The following ZNF75D variants were observed in gnomAD, a reference collection of about 807,000 sequenced individuals.
The protein encoded by ZNF75D is zinc finger protein 75.
Under a neutral mutation model 33.3 loss-of-function variants are expected in ZNF75D, and 33 were observed. That is an observed-to-expected ratio of 0.99 (90% CI 0.75 to 1.32). The LOEUF (loss-of-function observed/expected upper bound fraction) is 1.32. Among genes scored for constraint, ZNF75D ranks in the 40% most tolerant of loss-of-function variants. The probability of loss-of-function intolerance (pLI) is 0.00; values close to 1 mark genes in which losing one functional copy is unlikely to be tolerated. For synonymous variants in ZNF75D, 113 were observed against 130.6 expected, an observed-to-expected ratio of 0.87 and a Z score of 0.92; for missense variants, 338 against 367.5, an observed-to-expected ratio of 0.92 and a Z score of 0.66.
At position 135,257,417 on chromosome X, in the gene ZNF75D, G is replaced by A. The variant is rs781889656; in HGVS notation, n.828-1640C>T. ...GGACCAGTGGTGATGGTGGCCACAGGGAGAGACTCCTATACTTTTGCAAAG... is the reference window on the plus strand; with the variant it reads ...GGACCAGTGGTGATGGTGGCCACAGAGAGAGACTCCTATACTTTTGCAAAG... On this transcript the variant is annotated intron_variant and non_coding_transcript_variant, in intron 1 of 3. Transcript: ENST00000494295. 1.8e-4 allele frequency among the ~76,000 whole-genome samples: 20 copies of A among 113,117 alleles called. 1 individual carries two copies. The East Asian group carries it at 2.8e-3, about 16-fold the overall frequency.
rs1270236721 is a variant in ZNF75D at position 135,292,031 on chromosome X, ATCT to A, written c.604+247_604+249del. 3.6e-5 allele frequency among the ~76,000 whole-genome samples: 4 copies of A among 111,664 alleles called. No individual in the cohort carries two copies. The Admixed American group carries it at 3.8e-4, about 11-fold the overall frequency. Reference sequence around the variant, plus strand: ...AGGTGGCCCCACCTGTCCCTGTTCCATCTTCTTCTCTCCTCTCAAGTTTCAAAG... The same window carrying A: ...AGGTGGCCCCACCTGTCCCTGTTCCATCTTCTCTCCTCTCAAGTTTCAAAG... On this transcript the variant is annotated intron_variant, in intron 4 of 6. Transcript: ENST00000370766.
chrX:135,297,598 A>T (rs1556423405), intron 1 of ZNF75D: 1 of 116,834 alleles, frequency 8.6e-6, no homozygotes. Flanking sequence ...TCAAGGTGTG[A>T]TCTTGAGCTG....
In ZNF75D at chrX:135,312,429, C is replaced by T. The variant is rs150656217; in HGVS notation, c.-390-16390G>A. ...CACCTAGATTGATTCCATATCTTTG[C>T]TATTGTAAATAGTGCTGTGATAAAC... On this transcript the variant is annotated intron_variant, in intron 1 of 6. Transcript: ENST00000370766. Among the ~76,000 whole-genome samples, 819 of 112,150 alleles carry T rather than the reference C, an allele frequency of 7.3e-3. 14 individuals carry two copies. The highest frequency in any genetic ancestry group is 0.026 in the African/African-American group (789 of 30,885).
At chrX:135,336,548 C>T (rs888839463) in intron 1 of ZNF75D, among the ~76,000 whole-genome samples, 1 of 112,067 alleles carries the variant, frequency 8.9e-6, no homozygotes, top group Non-Finnish European at 1.9e-5. Context: ...ACAGCCAATG[C>T]ACTGCACTGT....
chrX:135,325,780 C>T (rs1234888721), intron 1 of ZNF75D, among the ~76,000 whole-genome samples: 6 of 108,901 alleles, frequency 5.5e-5, no homozygotes, highest in Non-Finnish European at 7.6e-5. Flanking sequence ...CCCTGAGAGG[C>T]GCCACCCCCT....
At chrX:135,308,151 T>C (rs1241809579) in intron 1 of ZNF75D, among the ~76,000 whole-genome samples, 1 of 111,999 alleles carries the variant, frequency 8.9e-6, no homozygotes, top group African/African-American at 3.2e-5. Context: ...CAGGTGATGG[T>C]TGTCAGTATT....
At chrX:135,313,421 T>A (rs5930687) in intron 1 of ZNF75D, among the ~76,000 whole-genome samples, 28,081 of 111,207 alleles carry the variant, frequency 0.25, 2,831 homozygotes, top group South Asian at 0.43. Context: ...CAGTAGTGTG[T>A]TGCTTCCAGC....
intron 1 of ZNF75D, among the ~76,000 whole-genome samples, chrX:135,263,753 C>A (rs2083852339): frequency 8.9e-6 from 1 of 112,667 alleles, no homozygotes; most frequent in South Asian, 3.6e-4. Flanking sequence ...AAGGAAATCC[C>A]CTGACCCCTT....
chrX:135,325,848 C>T (rs939429397), intron 1 of ZNF75D, among the ~76,000 whole-genome samples: 20 of 112,840 alleles, frequency 1.8e-4, no homozygotes, highest in African/African-American at 6.1e-4. Context: ...GAGCGCATCG[C>T]GTGGGACTGG....
chrX:135,274,415 T>G (rs1429828863), intron 1 of ZNF75D, among the ~76,000 whole-genome samples: 1 of 112,041 alleles, frequency 8.9e-6, no homozygotes, highest in Non-Finnish European at 1.9e-5. Context: ...GGGTTTGGCA[T>G]AGAAGGTAAT....
chrX:135,272,464 C>T (rs1002967336), intron 1 of ZNF75D, among the ~76,000 whole-genome samples: 39 of 109,046 alleles, frequency 3.6e-4, no homozygotes, highest in African/African-American at 1.2e-3. Flanking sequence ...CACTGTGTGT[C>T]GAAGTCATTT....
intron 1 of ZNF75D, among the ~76,000 whole-genome samples, chrX:135,302,139 T>C (rs1556424894): frequency 8.9e-6 from 1 of 112,277 alleles, no homozygotes; most frequent in African/African-American, 3.2e-5. Flanking sequence ...GAAGCGGGGA[T>C]ATGTGCATGT....
At chrX:135,270,272 A>T (rs1556416780) in intron 1 of ZNF75D, among the ~76,000 whole-genome samples, 2 of 104,362 alleles carry the variant, frequency 1.9e-5, no homozygotes, top group Non-Finnish European at 3.9e-5. Flanking sequence ...TATAACACAA[A>T]GAATAAATTC....
chrX:135,275,614 G>A (rs1217035258), intron 1 of ZNF75D, among the ~76,000 whole-genome samples: 3 of 110,009 alleles, frequency 2.7e-5, no homozygotes, highest in African/African-American at 6.6e-5. Context: ...TTCCTCTGGC[G>A]TTGCTTGTGT....
chrX:135,262,584 T>C (rs1169857420), intron 1 of ZNF75D, among the ~76,000 whole-genome samples: 1 of 112,447 alleles, frequency 8.9e-6, no homozygotes, highest in Non-Finnish European at 1.9e-5. Context: ...CTTGATCGAA[T>C]TGGTATTGAA....
At chrX:135,337,459 T>C (rs960538464) in intron 1 of ZNF75D, among the ~76,000 whole-genome samples, 3 of 112,212 alleles carry the variant, frequency 2.7e-5, no homozygotes, top group Admixed American at 1.9e-4. Flanking sequence ...CTCAAATTTT[T>C]ACTTTTATTC....
chrX:135,289,842 C>G (rs1211012636), intron 6 of ZNF75D, among the ~76,000 whole-genome samples: 2 of 111,826 alleles, frequency 1.8e-5, no homozygotes, highest in South Asian at 3.7e-4. Context: ...GTGATCTGCT[C>G]TATTTTCATG....
chrX:135,289,148 G>A (rs1396182324), intron 6 of ZNF75D, among the ~76,000 whole-genome samples: 4 of 112,561 alleles, frequency 3.6e-5, no homozygotes, highest in African/African-American at 9.7e-5. Context: ...TGCTATAGCC[G>A]TTTTCCTTTG....
intron 1 of ZNF75D, among the ~76,000 whole-genome samples, chrX:135,259,878 C>A (rs1294345041): frequency 8.9e-6 from 1 of 111,824 alleles, no homozygotes; most frequent in Non-Finnish European, 1.9e-5. Flanking sequence ...TGCCGGTTTT[C>A]AAAGGGAATG....
Sources: allele counts gnomAD v4.1 joint callset (sites outside exome capture counted in the v4.1 genomes callset), GRCh38; gene constraint gnomAD v4.1.1; transcripts MANE v1.5; gene names NCBI Gene and HGNC (gene_info 2026-07-23, HGNC 2026-07-21).